The following MAP2K1 variants were observed in gnomAD, a reference collection of about 807,000 sequenced individuals.
MAP2K1 encodes the protein dual specificity mitogen-activated protein kinase kinase 1.
MAP2K1 carries 16 observed loss-of-function variants against 46.3 expected under a neutral mutation model. That is an observed-to-expected ratio of 0.35 (90% CI 0.23 to 0.52). The LOEUF is 0.52. Among genes scored for constraint, MAP2K1 ranks in the 20% least tolerant of loss-of-function variants. The pLI, the probability that MAP2K1 is intolerant of heterozygous loss-of-function variation, is 0.94. For synonymous variants in MAP2K1, 183 were observed against 185.6 expected (o/e 0.99, Z 0.11); for missense variants, 263 against 497.1 (o/e 0.53, Z 4.48).
At chr15:66,442,553 A>G (rs1309278415) in intron 3 of MAP2K1, among the ~76,000 whole-genome samples, 1 of 152,182 alleles carries the variant, frequency 6.6e-6, no homozygotes, top group East Asian at 1.9e-4. Context: ...TTATGGTTTC[A>G]TTGTAATGTT....
chr15:66,487,245 C>T lies in MAP2K1; in HGVS notation c.913C>T (p.Arg305Ter), dbSNP rs1893063627. The change falls in exon 8 of 11, where the codon CGA (arginine) becomes TGA (stop). Residue 305 changes from arginine to a stop codon, truncating the protein, a stop_gained. Coordinates refer to ENST00000307102, the MANE Select transcript of MAP2K1 (RefSeq NM_002755.4). LOFTEE classifies it high-confidence loss of function. ...ATTTGTAGCATACGGAATGGACAGC[C>T]GACCTCCCATGGCAATTTTTGAGTT... ...RPLSSYGMDS[R>*]PPMAIFELLD... 4 of 1,614,098 alleles carry T rather than the reference C, an allele frequency of 2.5e-6. No individual in the cohort carries two copies. The highest frequency in any genetic ancestry group is 1.7e-5 in the Admixed American group (1 of 60,026).
chr15:66,431,773 G>A (rs2093475560), intron 1 of MAP2K1, among the ~76,000 whole-genome samples: 1 of 152,196 alleles, frequency 6.6e-6, no homozygotes, highest in Admixed American at 6.5e-5. Flanking sequence ...TGCCATGGTA[G>A]TTTTCTGCAC....
intron 8 of MAP2K1, chr15:66,488,510 G>A (rs1356604087): frequency 6.5e-6 from 1 of 152,976 alleles, no homozygotes; most frequent in Non-Finnish European, 1.5e-5. Context: ...TACATAAGTG[G>A]GCCCACATTT....
chr15:66,435,759 T>G (rs1001194548), intron 2 of MAP2K1, among the ~76,000 whole-genome samples: 2 of 152,220 alleles, frequency 1.3e-5, no homozygotes, highest in African/African-American at 4.8e-5. Flanking sequence ...TTCTGTGTGC[T>G]GTGGAAGGAA....
At chr15:66,473,169 T>C (rs759385718) in intron 5 of MAP2K1, among the ~76,000 whole-genome samples, 1 of 152,202 alleles carries the variant, frequency 6.6e-6, no homozygotes, top group Non-Finnish European at 1.5e-5. Flanking sequence ...GGGGGAAATA[T>C]GCTGTTTTAA....
intron 5 of MAP2K1, among the ~76,000 whole-genome samples, chr15:66,472,075 C>CAAAAAAAAAA (rs56820379): frequency 3.5e-4 from 32 of 91,534 alleles, no homozygotes; most frequent in Middle Eastern, 6.9e-3. Flanking sequence ...GACTCCATCT[C>CAAAAAAAAAA]AAAAAAAAAA....
chr15:66,389,343 G>A (rs1196708655), intron 1 of MAP2K1, among the ~76,000 whole-genome samples: 1 of 152,138 alleles, frequency 6.6e-6, no homozygotes, highest in Non-Finnish European at 1.5e-5. Flanking sequence ...ATTTGATTTG[G>A]AAGTGGATAC....
chr15:66,438,822 C>T (rs921500284), intron 3 of MAP2K1, among the ~76,000 whole-genome samples: 1 of 152,126 alleles, frequency 6.6e-6, no homozygotes, highest in African/African-American at 2.4e-5. Context: ...ATGAGAGTGG[C>T]CAGGATGGGG....
At chr15:66,475,887 T>C (rs1465233223) in intron 5 of MAP2K1, among the ~76,000 whole-genome samples, 1 of 152,246 alleles carries the variant, frequency 6.6e-6, no homozygotes, top group Admixed American at 6.5e-5. Flanking sequence ...TCTGTGTTTC[T>C]AGAATAAATA....
intron 5 of MAP2K1, among the ~76,000 whole-genome samples, chr15:66,464,639 C>T (rs921548425): frequency 3.9e-5 from 6 of 152,110 alleles, no homozygotes; most frequent in African/African-American, 1.4e-4. Context: ...ATTCTCCTGC[C>T]TCAGCCATCC....
At chr15:66,392,614 C>T (rs1198830758) in intron 1 of MAP2K1, among the ~76,000 whole-genome samples, 1 of 147,836 alleles carries the variant, frequency 6.8e-6, no homozygotes, top group Admixed American at 6.8e-5. Context: ...AGTGCAATGG[C>T]ATGATCTCGG....
intron 5 of MAP2K1, among the ~76,000 whole-genome samples, chr15:66,447,554 G>A (rs552623580): frequency 6.6e-6 from 1 of 151,744 alleles, no homozygotes; most frequent in South Asian, 2.1e-4. Flanking sequence ...AGCTGCGTGT[G>A]GTGGCGTGTG....
At chr15:66,444,289 T>C (rs964162494) in intron 4 of MAP2K1, among the ~76,000 whole-genome samples, 1 of 148,232 alleles carries the variant, frequency 6.7e-6, no homozygotes. Context: ...ATCCCAGCAC[T>C]TTGGGAGGCC....
chr15:66,473,433 G>A (rs942604880), intron 5 of MAP2K1, among the ~76,000 whole-genome samples: 2 of 152,066 alleles, frequency 1.3e-5, no homozygotes, highest in African/African-American at 4.8e-5. Flanking sequence ...AGTTACTTGG[G>A]CATGGTGGCG....
At chr15:66,436,640 C>T (rs531435978) in intron 2 of MAP2K1, 106 bp from the exon 3 acceptor site, 1 of 1,105,552 alleles carries the variant, frequency 9.0e-7, no homozygotes, top group South Asian at 1.3e-5. Context: ...TAACCTGTTT[C>T]TCCTCCCTCT....
intron 1 of MAP2K1, among the ~76,000 whole-genome samples, chr15:66,420,793 G>GTATATATATGTGTATATATATGTGTA (rs2093437881): frequency 5.7e-5 from 2 of 35,080 alleles, no homozygotes; most frequent in African/African-American, 1.8e-4. Context: ...ATATATGTGT[G>GTATATATATGTGTATATATATGTGTA]TATATATATG....
intron 1 of MAP2K1, among the ~76,000 whole-genome samples, chr15:66,419,704 C>CTG (rs948538056): frequency 2.6e-5 from 4 of 151,794 alleles, no homozygotes; most frequent in Non-Finnish European, 4.4e-5. Context: ...AGAGGCTCCT[C>CTG]TGTGTGTGTG....
chr15:66,420,698 A>T (rs1284324299), intron 1 of MAP2K1, among the ~76,000 whole-genome samples: 7 of 43,496 alleles, frequency 1.6e-4, no homozygotes, highest in South Asian at 8.5e-4. Flanking sequence ...CCTAATACTT[A>T]CTCTTGGCAT....
chr15:66,405,244 G>A (rs1595842453), intron 1 of MAP2K1, among the ~76,000 whole-genome samples: 1 of 152,112 alleles, frequency 6.6e-6, no homozygotes, highest in East Asian at 1.9e-4. Context: ...TTTCCACACG[G>A]CCCTCTCAGT....
Sources: gnomAD v4.1 joint callset for allele counts (sites outside exome capture counted in the v4.1 genomes callset) on GRCh38, gnomAD v4.1.1 for gene constraint, MANE v1.5 for transcripts, NCBI Gene and HGNC (gene_info 2026-07-23, HGNC 2026-07-21) for gene names.